IRF2BP2: variants seen among roughly 807,000 people sequenced by gnomAD.
IRF2BP2 encodes interferon regulatory factor 2-binding protein 2.
IRF2BP2 carries 13 observed loss-of-function variants against 32.7 expected under a neutral mutation model. The observed-to-expected ratio is 0.40, with a 90% CI of 0.26 to 0.63. IRF2BP2 has a LOEUF of 0.63. IRF2BP2 is among the 30% of genes least tolerant of loss of function. The pLI, the probability that IRF2BP2 is intolerant of heterozygous loss-of-function variation, is 0.42. For synonymous variants in IRF2BP2, 555 were observed against 384.6 expected, an observed-to-expected ratio of 1.44 and a Z score of -5.18; for missense variants, 980 against 830.6, an observed-to-expected ratio of 1.18 and a Z score of -2.21.
rs1474915818 is a variant in IRF2BP2 at position 234,609,282 on chromosome 1, G to A, written c.213C>T (p.Ser71=). The change falls in exon 1 of 2, where the codon TCC becomes TCT. Residue 71 remains serine (S), a synonymous_variant. Coordinates refer to ENST00000366609, the MANE Select transcript of IRF2BP2 (RefSeq NM_182972.3). ...RAHGCFPEGR[S]PPGAAASAAA... Reference sequence around the variant, plus strand: ...CGGCCGAGGCCGCGGCGCCGGGTGGGGAGCGACCCTCCGGGAAGCAGCCGT... The same window carrying A: ...CGGCCGAGGCCGCGGCGCCGGGTGGAGAGCGACCCTCCGGGAAGCAGCCGT... 1 of 1,451,666 alleles carries A rather than the reference G, an allele frequency of 6.9e-7. No homozygotes were observed. Among genetic ancestry groups the A allele is most frequent in the Non-Finnish European group, 9.1e-7 (1 of 1,098,610 alleles). 89.9% of individuals were successfully genotyped at this position (1,451,666 alleles called of 1,614,324 possible).
chr1:234,605,538 A>G lies in IRF2BP2; in HGVS notation c.*1599T>C, dbSNP rs774111648. 2 of 152,270 alleles carry G rather than the reference A, an allele frequency of 1.3e-5. No homozygotes were observed. The highest frequency in any genetic ancestry group is 6.5e-5 in the Admixed American group (1 of 15,288). 9.4% of individuals were successfully genotyped at this position (152,270 alleles called of 1,614,324 possible). ...CAATTTAAAAAGGAAAGACAAACAT[A>G]TAACTAAAAAAGAATCCAAAGTTGG... On this transcript the variant is annotated 3_prime_UTR_variant, in exon 2 of 2. Coordinates refer to ENST00000366609, the MANE Select transcript of IRF2BP2 (RefSeq NM_182972.3).
Position 234,609,216 on chromosome 1 carries a change from C to T in IRF2BP2, c.279G>A (p.Leu93=), listed in dbSNP as rs1442062015. ...CGTGGCCAAGCTGCTGCTGCTGCTG[C>T]AAAAGGATGTCCTTGGCGGAGAGCG... is the stretch of plus-strand genomic sequence containing the variant. ...PPPLSAKDIL[L]QQQQQLGHGG... is the part of the protein sequence containing the mutation. Residue 93 remains leucine (L), a synonymous_variant, in exon 1 of 2, where the codon TTG becomes TTA. Transcript: ENST00000366609. 7.5e-6 allele frequency: 10 copies of T among 1,333,238 alleles called. No homozygotes were observed. The highest frequency in any genetic ancestry group is 5.7e-4 in the Middle Eastern group (2 of 3,538). The allele number at this position is 1,333,238 out of a possible 1,614,324, so 82.6% of individuals were successfully genotyped here. A position where few individuals can be genotyped will look rare whatever the true frequency, so the allele number is the denominator to read the frequency against.
In IRF2BP2 at chr1:234,607,524, G is replaced by A. The variant is rs756905633; in HGVS notation, c.1377C>T (p.Pro459=). 13 of 1,614,160 alleles carry A rather than the reference G, an allele frequency of 8.1e-6. No homozygotes were observed. The East Asian group carries it at 2.2e-4, about 28-fold the overall frequency. Residue 459 remains proline, a synonymous_variant, in exon 2 of 2, where the codon CCC becomes CCT. Coordinates refer to ENST00000366609, the MANE Select transcript of IRF2BP2 (RefSeq NM_182972.3). The part of the protein sequence containing the change: ...STTRRNSNSP[P]SPSSMNQRRL... ...TTCTTTGGTTCATAGAGGACGGAGA[G>A]GGCGGACTGTTGCTATTCCTCCTGG...
chr1:234,608,955 G>A lies in IRF2BP2; in HGVS notation c.540C>T (p.Arg180=), dbSNP rs1451871535. 1 of 1,359,904 alleles carries A rather than the reference G, an allele frequency of 7.4e-7. No homozygotes were observed. Among genetic ancestry groups the A allele is most frequent in the South Asian group, 2.0e-5 (1 of 49,006 alleles). The allele number at this position is 1,359,904 out of a possible 1,614,324, so 84.2% of individuals were successfully genotyped here. Residue 180 remains arginine (R), a synonymous_variant, in exon 1 of 2, where the codon CGC becomes CGT. Transcript: ENST00000366609. ...CCAGGGTGGGCGGCACCGCGTGGCC[G>A]CGCCGCGGGTTCGGGCTCTGGCGAT... ...ELNRQSPNPR[R]GHAVPPTLVP...
Position 234,608,975 on chromosome 1 carries a change from G to A in IRF2BP2, c.520C>T (p.Gln174Ter), listed in dbSNP as rs1233339474. Residue 174 changes from glutamine to a stop codon, truncating the protein, a stop_gained, in exon 1 of 2, where the codon CAG becomes TAG. Transcript: ENST00000366609. LOFTEE classifies it high-confidence loss of function. ...KLEEPPELNR[Q>*]SPNPRRGHAV... ...TGGCCGCGCCGCGGGTTCGGGCTCTGGCGATTCAGCTCGGGCGGCTCCTCT... is the reference window on the plus strand; with the variant it reads ...TGGCCGCGCCGCGGGTTCGGGCTCTAGCGATTCAGCTCGGGCGGCTCCTCT... 7.4e-7 allele frequency: 1 copy of A among 1,359,734 alleles called. No homozygotes were observed. Among genetic ancestry groups the A allele is most frequent in the South Asian group, 2.0e-5 (1 of 49,102 alleles). 84.2% of individuals were successfully genotyped at this position (1,359,734 alleles called of 1,614,324 possible).
rs946436130 is a variant in IRF2BP2 at position 234,609,591 on chromosome 1, C to G, written c.-97G>C. 50 of 632,212 alleles carry G rather than the reference C, an allele frequency of 7.9e-5. No individual in the cohort carries two copies. The highest frequency in any genetic ancestry group is 3.3e-4 in the African/African-American group (17 of 51,334). 39.2% of individuals were successfully genotyped at this position (632,212 alleles called of 1,614,324 possible). On this transcript the variant is annotated 5_prime_UTR_variant, in exon 1 of 2. Transcript: ENST00000366609. ...GCACCACGCGCGCCCTCCTCCCCCC[C>G]CAACCCCGCGTCTCCCCCACCAGCG...
Position 234,607,221 on chromosome 1 carries a change from G to A in IRF2BP2, c.1680C>T (p.Ser560=), listed in dbSNP as rs758878212. The change falls in exon 2 of 2, where the codon TCC becomes TCT. Residue 560 remains serine (S), a synonymous_variant. Coordinates refer to ENST00000366609, the MANE Select transcript of IRF2BP2 (RefSeq NM_182972.3). ...CTTGCATAAAGGCCCAGGGGACATT[G>A]GAGCCCACAAGAGGGCATTTTTCCC... ...PSGEKCPLVG[S]NVPWAFMQGE... is the part of the protein sequence containing the mutation. The A allele has an allele frequency of 5.6e-6, 9 of 1,614,090 alleles. No homozygotes were observed. The highest frequency in any genetic ancestry group is 1.1e-5 in the South Asian group (1 of 91,088).
rs903837101 is a variant in IRF2BP2 at position 234,606,975 on chromosome 1, A to AT, written c.*161_*162insA. The AT allele has an allele frequency of 2.2e-5, 13 of 588,656 alleles. No homozygotes were observed. In the African/African-American group the frequency reaches 2.4e-4, roughly 11 times the overall value. 36.5% of individuals were successfully genotyped at this position (588,656 alleles called of 1,614,324 possible). A position where few individuals can be genotyped will look rare whatever the true frequency, so the allele number is the denominator to read the frequency against. ...GTACATACCTTTTGTCGTCAAAAAA[A>AT]ATATAGAAACACAATGTATTCAAAA... On this transcript the variant is annotated 3_prime_UTR_variant, in exon 2 of 2. Coordinates refer to ENST00000366609, the MANE Select transcript of IRF2BP2 (RefSeq NM_182972.3).
At chr1:234,608,284 G>C (rs1672222753) in intron 1 of IRF2BP2, among the ~76,000 whole-genome samples, 163 bp downstream of exon 1, 1 of 152,214 alleles carries the variant, frequency 6.6e-6, no homozygotes, top group African/African-American at 2.4e-5. Context: ...TTCAGCACAT[G>C]AACACGTTGC....
rs1558307829 is a variant in IRF2BP2 at position 234,606,206 on chromosome 1, G to C, written c.*931C>G. The stretch of plus-strand genomic sequence containing the variant: ...CACAATCTCCAAGTTCACCTGGACT[G>C]TAACTTCTCTTGCAACTCTTTCAAA... On this transcript the variant is annotated 3_prime_UTR_variant, in exon 2 of 2. Coordinates refer to ENST00000366609, the MANE Select transcript of IRF2BP2 (RefSeq NM_182972.3). 6.6e-6 allele frequency: 1 copy of C among 152,298 alleles called. No individual in the cohort carries two copies. The highest frequency in any genetic ancestry group is 2.4e-5 in the African/African-American group (1 of 41,470). The allele number at this position is 152,298 out of a possible 1,614,324, so 9.4% of individuals were successfully genotyped here. A position where few individuals can be genotyped will look rare whatever the true frequency, so the allele number is the denominator to read the frequency against.
In IRF2BP2 at chr1:234,607,432, G is replaced by A. The variant is rs1318460507; in HGVS notation, c.1469C>T (p.Pro490Leu). The A allele has an allele frequency of 6.2e-7, 1 of 1,614,000 alleles. No individual in the cohort carries two copies. Among genetic ancestry groups the A allele is most frequent in the African/African-American group, 1.3e-5 (1 of 74,930 alleles). The change falls in exon 2 of 2, where the codon CCT becomes CTT. Residue 490 changes from proline to leucine, a missense_variant. By Grantham distance (98) the Pro-to-Leu change is moderately conservative. Coordinates refer to ENST00000366609, the MANE Select transcript of IRF2BP2 (RefSeq NM_182972.3). The part of the protein sequence containing the change: ...GNTGGLEPVH[P>L]ASLPDSSLAT... ...CAGAGAGGAGTCCGGGAGGCTGGCA[G>A]GGTGCACTGGCTCCAGTCCTCCTGT...
rs1181055510 is a variant in IRF2BP2 at position 234,609,932 on chromosome 1, G to C, written c.-438C>G. On this transcript the variant is annotated 5_prime_UTR_variant, in exon 1 of 2. Transcript: ENST00000366609. ...GCGGGGCGGGGGGCGGGGAGGCCGG[G>C]GGGGCAGGGGGCGGGGGGCGGCCGC... is the stretch of plus-strand genomic sequence containing the variant. Among the ~76,000 whole-genome samples the C allele has an allele frequency of 4.2e-5, 6 of 141,730 alleles. No homozygotes were observed. Among genetic ancestry groups the C allele is most frequent in the Non-Finnish European group, 7.8e-5 (5 of 64,010 alleles). 93.0% of individuals were successfully genotyped at this position (141,730 alleles called of 152,430 possible). A position where few individuals can be genotyped will look rare whatever the true frequency, so the allele number is the denominator to read the frequency against.
In IRF2BP2 at chr1:234,608,614, C is replaced by G. The variant is rs755757862; in HGVS notation, c.881G>C (p.Gly294Ala). 1.4e-5 allele frequency: 22 copies of G among 1,581,434 alleles called. No homozygotes were observed. In the African/African-American group the frequency reaches 2.9e-4, roughly 21 times the overall value. Reference protein sequence around the residue: ...AEGAGKSRGSGEQDWVNRPKT... With the variant: ...AEGAGKSRGSAEQDWVNRPKT... Reference sequence around the variant, plus strand: ...GGGCCTGTTGACCCAGTCCTGCTCTCCAGACCCGCGGCTCTTGCCCGCACC... The same window carrying G: ...GGGCCTGTTGACCCAGTCCTGCTCTGCAGACCCGCGGCTCTTGCCCGCACC... Residue 294 changes from glycine (G) to alanine (A), a missense_variant, in exon 1 of 2, where the codon GGA becomes GCA. Coordinates refer to ENST00000366609, the MANE Select transcript of IRF2BP2 (RefSeq NM_182972.3).
rs920173060 is a variant in IRF2BP2 at position 234,604,534 on chromosome 1, A to C, written c.*2603T>G. The C allele has an allele frequency of 6.6e-6, 1 of 152,210 alleles. No homozygotes were observed. The highest frequency in any genetic ancestry group is 1.5e-5 in the Non-Finnish European group (1 of 68,030). The allele number at this position is 152,210 out of a possible 1,614,324, so 9.4% of individuals were successfully genotyped here. ...GGTGGCCAAGGAAAGGTATATAGTA[A>C]AAGTTGTAAACCATGTGTATGTTCT... On this transcript the variant is annotated 3_prime_UTR_variant, in exon 2 of 2. Transcript: ENST00000366609.
In IRF2BP2 at chr1:234,605,793, A is replaced by G. The variant is rs1358742803; in HGVS notation, c.*1344T>C. 1 of 152,258 alleles carries G rather than the reference A, an allele frequency of 6.6e-6. No homozygotes were observed. Among genetic ancestry groups the G allele is most frequent in the South Asian group, 2.1e-4 (1 of 4,836 alleles). The allele number at this position is 152,258 out of a possible 1,614,324, so 9.4% of individuals were successfully genotyped here. On this transcript the variant is annotated 3_prime_UTR_variant, in exon 2 of 2. Coordinates refer to ENST00000366609, the MANE Select transcript of IRF2BP2 (RefSeq NM_182972.3). ...ATAATTGATGATTTATTGGTTTTAA[A>G]AAAATCATTTTACTGATGCAAAATA... is the stretch of plus-strand genomic sequence containing the variant.
chr1:234,605,979 G>A lies in IRF2BP2; in HGVS notation c.*1158C>T, dbSNP rs570177449. The A allele has an allele frequency of 3.3e-5, 5 of 152,178 alleles. No individual in the cohort carries two copies. Among genetic ancestry groups the A allele is most frequent in the African/African-American group, 9.7e-5 (4 of 41,444 alleles). 9.4% of individuals were successfully genotyped at this position (152,178 alleles called of 1,614,324 possible). On this transcript the variant is annotated 3_prime_UTR_variant, in exon 2 of 2. Transcript: ENST00000366609. The stretch of plus-strand genomic sequence containing the variant: ...TGGTATTTCAAACACATGTTAAGAA[G>A]GAAATTACAGGTTTCCTCCACCCAC...
chr1:234,607,613 A>T lies in IRF2BP2; in HGVS notation c.1288T>A (p.Leu430Ile). The T allele has an allele frequency of 6.2e-7, 1 of 1,614,216 alleles. No homozygotes were observed. Among genetic ancestry groups the T allele is most frequent in the Non-Finnish European group, 8.5e-7 (1 of 1,180,034 alleles). ...NGQSPMAALI[L>I]VADNAGGSHA... Reference sequence around the variant, plus strand: ...CTGCCCCCTGCATTGTCTGCTACTAAGATCAGGGCTGCCATGGGGGACTGG... The same window carrying T: ...CTGCCCCCTGCATTGTCTGCTACTATGATCAGGGCTGCCATGGGGGACTGG... Residue 430 changes from leucine (L) to isoleucine (I), a missense_variant, in exon 2 of 2, where the codon TTA becomes ATA. Leu to Ile is a conservative substitution (Grantham distance 5). Transcript: ENST00000366609.
Position 234,609,484 on chromosome 1 carries a change from G to C in IRF2BP2, c.11C>G (p.Ala4Gly), listed in dbSNP as rs755689516. 65 of 1,500,238 alleles carry C rather than the reference G, an allele frequency of 4.3e-5. 1 individual carries two copies. Among genetic ancestry groups the C allele is most frequent in the South Asian group, 3.3e-4 (26 of 79,780 alleles). 92.9% of individuals were successfully genotyped at this position (1,500,238 alleles called of 1,614,324 possible). ...CCGGGACGCGGCCGCCACCGCCACC[G>C]CCGCGGCCATGTCCGAGGAGCCCGC... MAA[A>G]VAVAAASRRQ... Residue 4 changes from alanine to glycine, a missense_variant, in exon 1 of 2, where the codon GCG becomes GGG. By Grantham distance (60) the Ala-to-Gly change is moderately conservative. Transcript: ENST00000366609.
Position 234,606,510 on chromosome 1 carries a change from CCAG to C in IRF2BP2, c.*624_*626del, listed in dbSNP as rs1343638808. 6.6e-6 allele frequency: 1 copy of C among 152,002 alleles called. No individual in the cohort carries two copies. Among genetic ancestry groups the C allele is most frequent in the Non-Finnish European group, 1.5e-5 (1 of 68,010 alleles). 9.4% of individuals were successfully genotyped at this position (152,002 alleles called of 1,614,324 possible). A position where few individuals can be genotyped will look rare whatever the true frequency, so the allele number is the denominator to read the frequency against. On this transcript the variant is annotated 3_prime_UTR_variant, in exon 2 of 2. Coordinates refer to ENST00000366609, the MANE Select transcript of IRF2BP2 (RefSeq NM_182972.3). ...AAGACCACACAATCCTGAAAATTTC[CCAG>C]CAGCACTCTCAGTCATCAGTATCTC...
Sources: gnomAD v4.1 joint callset for allele counts (sites outside exome capture counted in the v4.1 genomes callset) on GRCh38, gnomAD v4.1.1 for gene constraint, MANE v1.5 for transcripts, NCBI Gene and HGNC (gene_info 2026-07-23, HGNC 2026-07-21) for gene names.